TIA1: variants seen among roughly 807,000 people sequenced by gnomAD.
TIA1 encodes the protein cytotoxic granule associated RNA binding protein TIA1.
A neutral mutation model predicts 65.9 loss-of-function variants in TIA1; 23 were observed. That is an observed-to-expected ratio of 0.35 (90% confidence interval 0.25 to 0.49). TIA1 has a LOEUF of 0.49. Ranked by LOEUF, TIA1 falls within the 20% of genes least tolerant of loss-of-function variation. The probability of loss-of-function intolerance (pLI) is 0.98; values close to 1 mark genes in which losing one functional copy is unlikely to be tolerated. For synonymous variants in TIA1, 147 were observed against 149.4 expected (o/e 0.98, Z 0.12); for missense variants, 371 against 477.9 (o/e 0.78, Z 2.09).
chr2:70,240,091 A>C (rs967443017), intron 1 of TIA1, among the ~76,000 whole-genome samples: 3 of 152,232 alleles, frequency 2.0e-5, no homozygotes, highest in Non-Finnish European at 4.4e-5. Flanking sequence ...TGTCAAAGTT[A>C]TCACATAGAT....
Position 70,209,614 on chromosome 2 carries a change from CAG to C in TIA1, c.*3103_*3104del, listed in dbSNP as rs1260791309. 2.5e-6 allele frequency: 1 copy of C among 398,166 alleles called. No individual in the cohort carries two copies. Among genetic ancestry groups the C allele is most frequent in the Non-Finnish European group, 4.4e-6 (1 of 225,956 alleles). The allele number at this position is 398,166 out of a possible 1,614,324, so 24.7% of individuals were successfully genotyped here. A position where few individuals can be genotyped will look rare whatever the true frequency, so the allele number is the denominator to read the frequency against. On this transcript the variant is annotated 3_prime_UTR_variant, in exon 13 of 13. Transcript: ENST00000433529. ...GACTATCATTTTTGTGATTTAACAA[CAG>C]AGAAAATCCAGGAAGAATGAATTGA...
intron 10 of TIA1, among the ~76,000 whole-genome samples, chr2:70,215,901 G>A (rs946081524): frequency 2.8e-4 from 42 of 152,062 alleles, no homozygotes; most frequent in African/African-American, 1.0e-3. Context: ...GGCATGCACC[G>A]CCATGCCGGC....
At chr2:70,240,986 T>TA (rs1202200944) in intron 1 of TIA1, among the ~76,000 whole-genome samples, 1 of 152,016 alleles carries the variant, frequency 6.6e-6, no homozygotes, top group African/African-American at 2.4e-5. Flanking sequence ...ACAGAATTAA[T>TA]AAATGTAGAA....
chr2:70,248,664 C>G (rs1359043447), upstream of TIA1: 3 of 599,528 alleles, frequency 5.0e-6, no homozygotes, highest in Non-Finnish European at 5.9e-6. Flanking sequence ...CAAAGTTACC[C>G]GGGCCGCGCA....
rs1426877822 is a variant in TIA1 at position 70,210,022 on chromosome 2, T to C, written c.*2697A>G. On this transcript the variant is annotated 3_prime_UTR_variant, in exon 13 of 13. Coordinates refer to ENST00000433529, the MANE Select transcript of TIA1 (RefSeq NM_022173.4). Reference sequence around the variant, plus strand: ...ATCAGCAAGGAAAATGAGACCCTGGTTTCATAATTAATTAAATCTGCAGAA... The same window carrying C: ...ATCAGCAAGGAAAATGAGACCCTGGCTTCATAATTAATTAAATCTGCAGAA... 3 of 285,560 alleles carry C rather than the reference T, an allele frequency of 1.1e-5. No homozygotes were observed. The highest frequency in any genetic ancestry group is 1.1e-4 in the East Asian group (2 of 17,416). The allele number at this position is 285,560 out of a possible 1,614,324, so 17.7% of individuals were successfully genotyped here. A position where few individuals can be genotyped will look rare whatever the true frequency, so the allele number is the denominator to read the frequency against.
At chr2:70,227,308 A>G (rs1175653997) in intron 6 of TIA1, among the ~76,000 whole-genome samples, 3 of 152,168 alleles carry the variant, frequency 2.0e-5, no homozygotes, top group African/African-American at 4.8e-5. Context: ...ATAATATTCA[A>G]TAACTGCTTT....
chr2:70,210,048 T>G lies in TIA1; in HGVS notation c.*2671A>C. On this transcript the variant is annotated 3_prime_UTR_variant, in exon 13 of 13. Transcript: ENST00000433529. ...TTCATAATTAATTAAATCTGCAGAA[T>G]GCCAATTCCATTTGGTGTTAAACAG... 4.8e-5 allele frequency: 11 copies of G among 229,178 alleles called. No individual in the cohort carries two copies. Among genetic ancestry groups the G allele is most frequent in the Non-Finnish European group, 6.7e-5 (8 of 119,594 alleles). The allele number at this position is 229,178 out of a possible 1,614,324, so 14.2% of individuals were successfully genotyped here.
chr2:70,233,882 T>A (rs1687643061), intron 2 of TIA1, among the ~76,000 whole-genome samples: 1 of 152,198 alleles, frequency 6.6e-6, no homozygotes, highest in South Asian at 2.1e-4. Flanking sequence ...GAAGCATATA[T>A]ACATATTATC....
At chr2:70,215,228 C>A (rs1678066890) in intron 11 of TIA1, 143 bp downstream of exon 11, 6 of 1,031,242 alleles carry the variant, frequency 5.8e-6, no homozygotes, top group Middle Eastern at 4.3e-4. Context: ...AAACACCATT[C>A]TGGAACTATA....
rs1675926482 is a variant in TIA1, at chr2:70,209,459, C to T, written c.*3260G>A. On this transcript the variant is annotated 3_prime_UTR_variant, in exon 13 of 13. Coordinates refer to ENST00000433529, the MANE Select transcript of TIA1 (RefSeq NM_022173.4). ...GAAAAACCTATTCAATTGAGACACA[C>T]TCACACATTTTATTAAGGCTCTTAA... 5.0e-6 allele frequency: 2 copies of T among 397,238 alleles called. No individual in the cohort carries two copies. Among genetic ancestry groups the T allele is most frequent in the Middle Eastern group, 6.3e-4 (1 of 1,580 alleles). 24.6% of individuals were successfully genotyped at this position (397,238 alleles called of 1,614,324 possible). A position where few individuals can be genotyped will look rare whatever the true frequency, so the allele number is the denominator to read the frequency against.
In TIA1 at chr2:70,223,916, TTTTA is replaced by T. The variant is rs1188265779; in HGVS notation, c.474+634_474+637del. ...AAAAAGTTCCTATCCATCACAGTAT[TTTTA>T]TTTATTTATTTATTTTTTGAGACAG... On this transcript the variant is annotated intron_variant, in intron 7 of 12. Transcript: ENST00000433529. 5.3e-5 allele frequency among the ~76,000 whole-genome samples: 8 copies of T among 151,532 alleles called. No individual in the cohort carries two copies. In the East Asian group the frequency reaches 1.6e-3, roughly 30 times the overall value.
intron 2 of TIA1, among the ~76,000 whole-genome samples, chr2:70,232,526 G>C (rs187059430): frequency 0.012 from 1,014 of 87,710 alleles, 4 homozygotes; most frequent in Non-Finnish European, 0.016. Flanking sequence ...GGCAACAAGA[G>C]TGAAACTCTG....
rs937844081 is a variant in TIA1, at chr2:70,211,523, C to T, written c.*1196G>A. 2.0e-5 allele frequency: 3 copies of T among 152,084 alleles called. No homozygotes were observed. Among genetic ancestry groups the T allele is most frequent in the African/African-American group, 7.2e-5 (3 of 41,390 alleles). 9.4% of individuals were successfully genotyped at this position (152,084 alleles called of 1,614,324 possible). On this transcript the variant is annotated 3_prime_UTR_variant, in exon 13 of 13. Transcript: ENST00000433529. ...AGGTCACAATGAACTCCAAGCCTGACACAAAGATATTCTACAGTTTCACAG... is the reference window on the plus strand; with the variant it reads ...AGGTCACAATGAACTCCAAGCCTGATACAAAGATATTCTACAGTTTCACAG...
intron 7 of TIA1, among the ~76,000 whole-genome samples, chr2:70,223,644 C>T (rs1376559629): frequency 6.6e-6 from 1 of 151,646 alleles, no homozygotes; most frequent in Non-Finnish European, 1.5e-5. Flanking sequence ...GAACTCCTGA[C>T]CTCAAGTGAT....
intron 3 of TIA1, among the ~76,000 whole-genome samples, chr2:70,230,379 G>A (rs1403828146): frequency 1.3e-5 from 2 of 151,976 alleles, no homozygotes; most frequent in East Asian, 1.9e-4. Context: ...AGCCAGGCGC[G>A]GTGGCTCACA....
intron 2 of TIA1, among the ~76,000 whole-genome samples, chr2:70,235,284 G>A (rs887238983): frequency 7.2e-5 from 11 of 151,892 alleles, no homozygotes; most frequent in East Asian, 3.9e-4. Context: ...GTGTAGTGGC[G>A]CATGCCTGTA....
chr2:70,215,218 A>C, intron 11 of TIA1, 153 bp downstream of exon 11: 1 of 942,602 alleles, frequency 1.1e-6, no homozygotes. Context: ...GCAATCCATG[A>C]AACACCATTC....
chr2:70,222,206 G>C (rs1017013717), intron 7 of TIA1, among the ~76,000 whole-genome samples: 1 of 152,056 alleles, frequency 6.6e-6, no homozygotes, highest in Non-Finnish European at 1.5e-5. Context: ...AAAGGCAAGA[G>C]AGATGGGGAC....
chr2:70,217,168 AATTTT>A (rs1005213001), intron 7 of TIA1, 174 bp from the exon 8 acceptor site: 5 of 495,790 alleles, frequency 1.0e-5, no homozygotes, highest in African/African-American at 4.0e-5. Flanking sequence ...TATATTTTTA[AATTTT>A]ATTTTATTTA....
Sources: allele counts gnomAD v4.1 joint callset (sites outside exome capture counted in the v4.1 genomes callset), GRCh38; gene constraint gnomAD v4.1.1; transcripts MANE v1.5; gene names NCBI Gene and HGNC (gene_info 2026-07-23, HGNC 2026-07-21).